The following INSYN2B variants were observed in gnomAD, a reference collection of about 807,000 sequenced individuals.
INSYN2B encodes protein INSYN2B.
In INSYN2B, 16 loss-of-function variants were observed where a neutral mutation model predicts 41.2. The ratio of observed to expected loss-of-function variants is 0.39; its 90% confidence interval spans 0.26 to 0.59. The LOEUF (loss-of-function observed/expected upper bound fraction) is 0.59, where lower values mean the gene tolerates loss of function less well. INSYN2B is among the 20% of genes least tolerant of loss of function. INSYN2B has a pLI of 0.57. For missense variants in INSYN2B, 608 were observed against 646.4 expected, an observed-to-expected ratio of 0.94 and a Z score of 0.64; for synonymous variants, 245 against 244.4, an observed-to-expected ratio of 1.00 and a Z score of -0.02.
intron 1 of INSYN2B, among the ~76,000 whole-genome samples, chr5:169,949,229 G>A (rs1264363732): frequency 6.6e-6 from 1 of 152,156 alleles, no homozygotes; most frequent in African/African-American, 2.4e-5. Flanking sequence ...CGACTACTAT[G>A]TGCAGAATGT....
In INSYN2B at chr5:169,883,199, G is replaced by A. The variant is rs373079549; in HGVS notation, c.700C>T (p.His234Tyr). ...DRSAEVSNSIHPLDDTRPGDG... is the reference protein window; with the variant it reads ...DRSAEVSNSIYPLDDTRPGDG... ...CCTGGACGTGTGTCATCCAAAGGGTGTATGGAGTTACTTACTTCAGCTGAC... is the reference window on the plus strand; with the variant it reads ...CCTGGACGTGTGTCATCCAAAGGGTATATGGAGTTACTTACTTCAGCTGAC... Residue 234 changes from histidine (H) to tyrosine (Y), a missense_variant, in exon 2 of 4, where the codon CAC (histidine) becomes TAC (tyrosine). By Grantham distance (83) the His-to-Tyr change is moderately conservative. Coordinates refer to ENST00000377365, the MANE Select transcript of INSYN2B (RefSeq NM_001129891.3). 41 of 1,551,518 alleles carry A rather than the reference G, an allele frequency of 2.6e-5. No homozygotes were observed. The African/African-American group carries it at 4.9e-4, about 19-fold the overall frequency.
intron 3 of INSYN2B, among the ~76,000 whole-genome samples, chr5:169,872,928 G>C (rs1441063465): frequency 6.6e-6 from 1 of 152,214 alleles, no homozygotes; most frequent in Non-Finnish European, 1.5e-5. Flanking sequence ...TAGACATATA[G>C]TGTTGGGCAA....
intron 1 of INSYN2B, among the ~76,000 whole-genome samples, chr5:169,908,242 C>T (rs1278193956): frequency 6.6e-6 from 1 of 152,074 alleles, no homozygotes; most frequent in African/African-American, 2.4e-5. Flanking sequence ...ATTTTTATAG[C>T]TGGTCCCTTG....
At chr5:169,872,984 C>T (rs1176653141) in intron 3 of INSYN2B, among the ~76,000 whole-genome samples, 2 of 152,194 alleles carry the variant, frequency 1.3e-5, no homozygotes, top group Non-Finnish European at 1.5e-5. Flanking sequence ...ATGATTATTA[C>T]ACTAACTTGA....
chr5:169,870,293 C>T (rs987808782), intron 3 of INSYN2B, among the ~76,000 whole-genome samples: 12 of 152,122 alleles, frequency 7.9e-5, no homozygotes, highest in African/African-American at 2.9e-4. Context: ...CCATCATGCT[C>T]GCTGAAAAGC....
At chr5:169,917,627 C>A (rs943911391) in intron 1 of INSYN2B, among the ~76,000 whole-genome samples, 1 of 151,920 alleles carries the variant, frequency 6.6e-6, no homozygotes, top group Non-Finnish European at 1.5e-5. Flanking sequence ...TTGGTGATTG[C>A]GAAACACTAG....
chr5:169,874,131 G>A lies in INSYN2B; in HGVS notation c.1421+7237C>T, dbSNP rs190833573. On this transcript the variant is annotated intron_variant, in intron 3 of 3. Transcript: ENST00000377365. ...TCAATAATGATTAAAATAAAAAAGC[G>A]GCCGGGTGTGGTGGCTCATGCCTGT... is the stretch of plus-strand genomic sequence containing the variant. Among the ~76,000 whole-genome samples, 590 of 152,258 alleles carry A rather than the reference G, an allele frequency of 3.9e-3. 5 individuals are homozygous for A. Among genetic ancestry groups the A allele is most frequent in the Non-Finnish European group, 4.7e-3 (320 of 68,018 alleles).
intron 1 of INSYN2B, among the ~76,000 whole-genome samples, chr5:169,895,532 C>A (rs1773546885): frequency 6.6e-6 from 1 of 152,106 alleles, no homozygotes; most frequent in Non-Finnish European, 1.5e-5. Flanking sequence ...TTCACGCATC[C>A]TCTTCTTTTG....
chr5:169,957,321 T>A (rs1202974253), intron 1 of INSYN2B, among the ~76,000 whole-genome samples: 3 of 152,250 alleles, frequency 2.0e-5, no homozygotes, highest in African/African-American at 7.2e-5. Flanking sequence ...ATAGTAAGAG[T>A]TCCTACTTTG....
chr5:169,868,579 C>T (rs748676417), intron 3 of INSYN2B, among the ~76,000 whole-genome samples: 1 of 152,016 alleles, frequency 6.6e-6, no homozygotes, highest in Non-Finnish European at 1.5e-5. Context: ...GGCAACATAG[C>T]GAGACACCAT....
intron 1 of INSYN2B, among the ~76,000 whole-genome samples, chr5:169,915,961 T>C (rs969792983): frequency 6.6e-6 from 1 of 152,168 alleles, no homozygotes; most frequent in Non-Finnish European, 1.5e-5. Flanking sequence ...CTGAATTCTG[T>C]AAGATGATAA....
At chr5:169,878,231 T>C (rs1772442466) in intron 3 of INSYN2B, among the ~76,000 whole-genome samples, 1 of 152,196 alleles carries the variant, frequency 6.6e-6, no homozygotes, top group South Asian at 2.1e-4. Context: ...AGCCGATTCC[T>C]TAGGGCACCA....
At chr5:169,870,822 G>T (rs1486011673) in intron 3 of INSYN2B, among the ~76,000 whole-genome samples, 2 of 152,160 alleles carry the variant, frequency 1.3e-5, no homozygotes, top group African/African-American at 4.8e-5. Flanking sequence ...AAGTCATACT[G>T]TAAGTTACAA....
Position 169,862,009 on chromosome 5 carries a change from G to A in INSYN2B, c.*2264C>T, listed in dbSNP as rs1298829108. Among the ~76,000 whole-genome samples, 2 of 151,362 alleles carry A rather than the reference G, an allele frequency of 1.3e-5. No homozygotes were observed. Among genetic ancestry groups the A allele is most frequent in the Non-Finnish European group, 2.9e-5 (2 of 67,912 alleles). Reference sequence around the variant, plus strand: ...TCCCAGTTTTATTTAATTCAGTTAAGGGTTCATGTGAGGGCCTCAACTGGA... The same window carrying A: ...TCCCAGTTTTATTTAATTCAGTTAAAGGTTCATGTGAGGGCCTCAACTGGA... On this transcript the variant is annotated 3_prime_UTR_variant, in exon 4 of 4. Coordinates refer to ENST00000377365, the MANE Select transcript of INSYN2B (RefSeq NM_001129891.3).
intron 1 of INSYN2B, among the ~76,000 whole-genome samples, chr5:169,913,787 T>A (rs1261928947): frequency 2.0e-5 from 3 of 152,170 alleles, no homozygotes; most frequent in Non-Finnish European, 4.4e-5. Context: ...TTTTGATCAA[T>A]GAGGAATTAG....
intron 1 of INSYN2B, among the ~76,000 whole-genome samples, chr5:169,933,131 T>C (rs1241688440): frequency 6.6e-6 from 1 of 152,172 alleles, no homozygotes; most frequent in Non-Finnish European, 1.5e-5. Context: ...TGAAACAGGG[T>C]AAGGAGAAGG....
rs543803784 is a variant in INSYN2B at position 169,945,116 on chromosome 5, TTCTTTC to T, written c.-919+35155_-919+35160del. ...TTAGGGAACCGACTGTGGTTTCATT[TTCTTTC>T]TCTTGGCCCCAGAAGAATCCTCTGA... On this transcript the variant is annotated intron_variant, in intron 1 of 3. Transcript: ENST00000377365. Among the ~76,000 whole-genome samples the T allele has an allele frequency of 1.6e-4, 25 of 152,346 alleles. 1 individual carries two copies. The South Asian group carries it at 4.8e-3, about 29-fold the overall frequency.
intron 1 of INSYN2B, among the ~76,000 whole-genome samples, chr5:169,901,064 A>C (rs1409032771): frequency 6.6e-6 from 1 of 152,192 alleles, no homozygotes; most frequent in Admixed American, 6.5e-5. Flanking sequence ...TGTGACCAAA[A>C]AATAGAGGCC....
At chr5:169,921,102 T>C (rs759357558) in intron 1 of INSYN2B, among the ~76,000 whole-genome samples, 1 of 152,160 alleles carries the variant, frequency 6.6e-6, no homozygotes, top group Non-Finnish European at 1.5e-5. Flanking sequence ...TTTGCTTCCA[T>C]AAGGGAAAAG....
Sources: gnomAD v4.1 joint callset for allele counts (sites outside exome capture counted in the v4.1 genomes callset) on GRCh38, gnomAD v4.1.1 for gene constraint, MANE v1.5 for transcripts, NCBI Gene and HGNC (gene_info 2026-07-23, HGNC 2026-07-21) for gene names.